Variants in KDM6A observed in about 807,000 individuals in gnomAD.
KDM6A encodes lysine demethylase 6A.
KDM6A carries 11 observed loss-of-function variants against 117.6 expected under a neutral mutation model. That is an observed-to-expected ratio of 0.09 (90% CI 0.06 to 0.15). The LOEUF is 0.15. Among genes scored for constraint, KDM6A ranks in the 10% least tolerant of loss-of-function variants. KDM6A has a pLI of 1.00. For missense variants in KDM6A, 799 were observed against 1,077.3 expected (o/e 0.74, Z 3.62); for synonymous variants, 384 against 396.1 (o/e 0.97, Z 0.36).
intron 4 of KDM6A, among the ~76,000 whole-genome samples, chrX:45,010,161 T>C (rs887928214): frequency 4.5e-5 from 5 of 110,272 alleles, no homozygotes; most frequent in African/African-American, 1.7e-4. Flanking sequence ...ACTCAAACAT[T>C]TGCTGTTTTT....
chrX:44,951,006 C>T, intron 2 of KDM6A, among the ~76,000 whole-genome samples: 1 of 110,520 alleles, frequency 9.0e-6, no homozygotes, highest in Middle Eastern at 4.7e-3. Flanking sequence ...CTTTCTTTTA[C>T]GTGCCCATCT....
intron 8 of KDM6A, among the ~76,000 whole-genome samples, chrX:45,041,437 C>A (rs1318406613): frequency 9.4e-6 from 1 of 106,451 alleles, no homozygotes; most frequent in Admixed American, 9.6e-5. Context: ...ACTGACCCCC[C>A]CCCACCTCCC....
chrX:44,955,411 G>A (rs2038270300), intron 2 of KDM6A, among the ~76,000 whole-genome samples: 1 of 111,297 alleles, frequency 9.0e-6, no homozygotes, highest in Admixed American at 9.6e-5. Flanking sequence ...AAAGTGACCA[G>A]GATGGAGTAG....
At chrX:45,006,566 A>G (rs1015383932) in intron 4 of KDM6A, among the ~76,000 whole-genome samples, 1 of 109,726 alleles carries the variant, frequency 9.1e-6, no homozygotes, top group African/African-American at 3.3e-5. Context: ...ACTAATTCCA[A>G]TTGGCTGATT....
At chrX:45,043,145 C>T (rs1394268890) in intron 8 of KDM6A, among the ~76,000 whole-genome samples, 1 of 110,637 alleles carries the variant, frequency 9.0e-6, no homozygotes, top group Non-Finnish European at 1.9e-5. Flanking sequence ...CAAAAATTAG[C>T]GGGATATGGT....
Position 44,897,217 on chromosome X carries a change from G to A in KDM6A, c.225+23230G>A, listed in dbSNP as rs1319252198. Reference sequence around the variant, plus strand: ...TACTGATTGGTTCACTGACTCTGTCGTCTATCATTTCCACTCTTTTATTGA... The same window carrying A: ...TACTGATTGGTTCACTGACTCTGTCATCTATCATTTCCACTCTTTTATTGA... On this transcript the variant is annotated intron_variant, in intron 2 of 29. Coordinates refer to ENST00000611820, the MANE Select transcript of KDM6A (RefSeq NM_001291415.2). Among the ~76,000 whole-genome samples the A allele has an allele frequency of 3.2e-4, 29 of 91,406 alleles. 1 individual carries two copies. The highest frequency in any genetic ancestry group is 1.1e-3 in the African/African-American group (27 of 23,913). The allele number at this position is 91,406 out of a possible 115,157, so 79.4% of individuals were successfully genotyped here.
chrX:45,049,523 A>T (rs967866534), intron 8 of KDM6A, among the ~76,000 whole-genome samples: 1 of 112,161 alleles, frequency 8.9e-6, no homozygotes, highest in Non-Finnish European at 1.9e-5. Flanking sequence ...ATCTAATTTC[A>T]TATTTCCAAA....
chrX:45,005,289 T>C (rs780640983), intron 4 of KDM6A, among the ~76,000 whole-genome samples: 9 of 109,798 alleles, frequency 8.2e-5, no homozygotes, highest in South Asian at 4.0e-4. Flanking sequence ...AGGGGAAAGA[T>C]TGGGGACACT....
At chrX:45,106,202 T>C (rs2148281054) in intron 27 of KDM6A, among the ~76,000 whole-genome samples, 1 of 111,857 alleles carries the variant, frequency 8.9e-6, no homozygotes, top group African/African-American at 3.2e-5. Context: ...CCTACAACTA[T>C]AAAATTGATA....
At chrX:44,876,743 T>C (rs775312053) in intron 2 of KDM6A, among the ~76,000 whole-genome samples, 2 of 109,241 alleles carry the variant, frequency 1.8e-5, no homozygotes, top group South Asian at 7.8e-4. Flanking sequence ...TTATTGGATT[T>C]TCTTTCAAGT....
chrX:45,029,293 G>A (rs759360433), intron 6 of KDM6A, among the ~76,000 whole-genome samples: 2 of 110,621 alleles, frequency 1.8e-5, no homozygotes, highest in East Asian at 2.8e-4. Context: ...AAAATAAGCC[G>A]GCATGGTGGC....
rs201370572 is a variant in KDM6A, at chrX:45,082,560, T to G, written c.3301-16T>G. ...TGTAGAACACTAAACTAGACTGCTT[T>G]TTGCTTAATCTATAGGAAGAAAATG... On this transcript the variant is annotated splice_polypyrimidine_tract_variant and intron_variant, in intron 21 of 29. Coordinates refer to ENST00000611820, the MANE Select transcript of KDM6A (RefSeq NM_001291415.2). 278 of 1,144,927 alleles carry G rather than the reference T, an allele frequency of 2.4e-4. 1 individual carries two copies. The highest frequency in any genetic ancestry group is 4.4e-5 in the Non-Finnish European group (37 of 837,646). 94.4% of individuals were successfully genotyped at this position (1,144,927 alleles called of 1,213,427 possible). A position where few individuals can be genotyped will look rare whatever the true frequency, so the allele number is the denominator to read the frequency against.
intron 6 of KDM6A, among the ~76,000 whole-genome samples, chrX:45,024,533 G>C (rs2042291081): frequency 9.0e-6 from 1 of 110,621 alleles, no homozygotes; most frequent in Non-Finnish European, 1.9e-5. Context: ...TGTAGATTCT[G>C]GATATTAGTC....
chrX:45,021,982 G>A lies in KDM6A; in HGVS notation c.564+1252G>A, dbSNP rs539857484. On this transcript the variant is annotated intron_variant, in intron 6 of 29. Coordinates refer to ENST00000611820, the MANE Select transcript of KDM6A (RefSeq NM_001291415.2). ...CACATTTTTTTTGCAGTTTCTATTA[G>A]CTATCAAAGACTCTTTAAAATGTCT... Among the ~76,000 whole-genome samples the A allele has an allele frequency of 1.1e-4, 12 of 112,143 alleles. No homozygotes were observed. In the South Asian group the frequency reaches 4.0e-3, roughly 38 times the overall value.
rs1425376846 is a variant in KDM6A, at chrX:45,110,173, G to A, written c.4256G>A (p.Gly1419Glu). 2 of 1,210,641 alleles carry A rather than the reference G, an allele frequency of 1.7e-6. No individual in the cohort carries two copies. Among genetic ancestry groups the A allele is most frequent in the Admixed American group, 4.4e-5 (2 of 45,953 alleles). ...CAAGATTGTGCACGAAAAACAAGCG[G>A]AAACTTGGAAAACTTTGTGGTGCTA... The part of the protein sequence containing the change: ...HCQDCARKTS[G>E]NLENFVVLEQ... The change falls in exon 29 of 30, where the codon GGA becomes GAA. Residue 1419 changes from glycine to glutamate, a missense_variant. Physicochemically the swap from Gly to Glu is moderately conservative, Grantham distance 98. Coordinates refer to ENST00000611820, the MANE Select transcript of KDM6A (RefSeq NM_001291415.2).
chrX:45,040,401 A>AC (rs1418331778), intron 8 of KDM6A, among the ~76,000 whole-genome samples: 10 of 82,233 alleles, frequency 1.2e-4, no homozygotes, highest in Admixed American at 6.2e-4. Flanking sequence ...CGGGGGGCTG[A>AC]TCCCCCCACC....
rs988457575 is a variant in KDM6A, at chrX:45,043,778, G to GA, written c.654+6099dup. 5.1e-3 allele frequency among the ~76,000 whole-genome samples: 537 copies of GA among 106,135 alleles called. 5 individuals are homozygous for GA. In the South Asian group the frequency reaches 0.057, roughly 11 times the overall value. 92.2% of individuals were successfully genotyped at this position (106,135 alleles called of 115,157 possible). A position where few individuals can be genotyped will look rare whatever the true frequency, so the allele number is the denominator to read the frequency against. On this transcript the variant is annotated intron_variant, in intron 8 of 29. Transcript: ENST00000611820. ...GGATGACAGAGTGAGACTGTTTAAA[G>GA]AAAAAAAAAATGATTCTCATAGGTT...
chrX:45,069,539 T>C (rs2148033246), intron 17 of KDM6A, 40 bp from the exon 18 acceptor site: 1 of 1,112,542 alleles, frequency 9.0e-7, no homozygotes, highest in South Asian at 1.9e-5. Flanking sequence ...ATTCTGAGTT[T>C]GCTTAATATT....
chrX:45,068,648 C>T (rs1021642533), intron 17 of KDM6A, among the ~76,000 whole-genome samples: 1 of 107,718 alleles, frequency 9.3e-6, no homozygotes, highest in African/African-American at 3.4e-5. Context: ...TCACTGCTGG[C>T]TCAAACTCCT....
Sources: allele counts gnomAD v4.1 joint callset (sites outside exome capture counted in the v4.1 genomes callset), GRCh38; gene constraint gnomAD v4.1.1; transcripts MANE v1.5; gene names NCBI Gene and HGNC (gene_info 2026-07-23, HGNC 2026-07-21).